The following COL13A1 variants were observed in gnomAD, a reference collection of about 807,000 sequenced individuals.
The protein encoded by COL13A1 is collagen type XIII alpha 1 chain.
COL13A1 carries 89 observed loss-of-function variants against 130.9 expected under a neutral mutation model. The observed-to-expected ratio is 0.68, with a 90% CI of 0.57 to 0.81. COL13A1 has a LOEUF of 0.81. Among genes scored for constraint, COL13A1 ranks in the 30% least tolerant of loss-of-function variants. The pLI is 0.00. For synonymous variants in COL13A1, 402 were observed against 341.6 expected (o/e 1.18, Z -1.95); for missense variants, 879 against 934.6 (o/e 0.94, Z 0.78).
intron 17 of COL13A1, among the ~76,000 whole-genome samples, chr10:69,908,945 G>A (rs1169671327): frequency 6.6e-6 from 1 of 152,170 alleles, no homozygotes; most frequent in Non-Finnish European, 1.5e-5. Context: ...AGATGCCTTG[G>A]GAGGGAGGGA....
chr10:69,895,561 A>C lies in COL13A1; in HGVS notation c.669A>C (p.Gly223=). ...QGQKGEKGQC[G]EYPHRLLPLL... is the part of the protein sequence containing the mutation. The stretch of plus-strand genomic sequence containing the variant: ...CCTCTCCTTCCCAGGGTCAGTGTGG[A>C]GAGTACCCACACCGGGTAAGTGAAC... Residue 223 remains glycine (G), a synonymous_variant, in exon 13 of 41, where the codon GGA becomes GGC. Transcript: ENST00000645393. The C allele has an allele frequency of 6.2e-7, 1 of 1,613,946 alleles. No homozygotes were observed. The highest frequency in any genetic ancestry group is 8.5e-7 in the Non-Finnish European group (1 of 1,179,878).
intron 10 of COL13A1, among the ~76,000 whole-genome samples, chr10:69,889,763 T>C (rs1174726309): frequency 6.6e-6 from 1 of 152,176 alleles, no homozygotes; most frequent in Non-Finnish European, 1.5e-5. Flanking sequence ...CAAGGTTTCA[T>C]CTGCACTCAC....
chr10:69,836,321 C>T (rs549213761), intron 2 of COL13A1, among the ~76,000 whole-genome samples: 4 of 152,074 alleles, frequency 2.6e-5, no homozygotes, highest in South Asian at 4.2e-4. Context: ...CCTGGGAGGC[C>T]GGCCCCAATC....
intron 39 of COL13A1, chr10:69,956,319 A>G (rs2070679154): frequency 1.3e-5 from 2 of 152,302 alleles, no homozygotes; most frequent in South Asian, 4.1e-4. Flanking sequence ...GTTGCTACCA[A>G]CAAAGGAGAC....
chr10:69,935,454 G>A (rs1206200848), intron 32 of COL13A1, 63 bp downstream of exon 32: 7 of 1,271,018 alleles, frequency 5.5e-6, no homozygotes, highest in Non-Finnish European at 7.5e-6. Flanking sequence ...GCAGTCACTG[G>A]GCTCAACCTC....
At chr10:69,918,935 C>T (rs755999636) in intron 19 of COL13A1, 127 bp from the exon 20 acceptor site, 19 of 1,073,608 alleles carry the variant, frequency 1.8e-5, no homozygotes, top group African/African-American at 3.1e-5. Flanking sequence ...AGAGAAGAGC[C>T]GGGGCTGGCC....
At chr10:69,879,007 G>A (rs1236737557) in intron 6 of COL13A1, among the ~76,000 whole-genome samples, 3 of 152,250 alleles carry the variant, frequency 2.0e-5, no homozygotes, top group African/African-American at 7.2e-5. Flanking sequence ...CAGTTGCCAT[G>A]TATTAAACAC....
intron 1 of COL13A1, among the ~76,000 whole-genome samples, chr10:69,813,292 A>G (rs1054275879): frequency 6.6e-6 from 1 of 152,128 alleles, no homozygotes; most frequent in Admixed American, 6.5e-5. Context: ...TCCCATGCAC[A>G]CCATCAGTTC....
At chr10:69,937,780 G>C (rs2067131023) in intron 34 of COL13A1, 65 bp downstream of exon 34, 1 of 760,248 alleles carries the variant, frequency 1.3e-6, no homozygotes, top group Non-Finnish European at 2.4e-6. Flanking sequence ...CTGGGACTGG[G>C]GGACAGCCAG....
intron 1 of COL13A1, 90 bp downstream of exon 1, chr10:69,802,807 C>T: frequency 6.6e-7 from 1 of 1,522,798 alleles, no homozygotes; most frequent in Non-Finnish European, 8.9e-7. Flanking sequence ...CGCGGGCGCT[C>T]GCTCTCTGCG....
At chr10:69,849,343 C>T (rs1854061446) in intron 2 of COL13A1, among the ~76,000 whole-genome samples, 2 of 141,802 alleles carry the variant, frequency 1.4e-5, no homozygotes, top group African/African-American at 5.0e-5. Context: ...GGATGGGGAG[C>T]GGGGGTGGGG....
intron 39 of COL13A1, chr10:69,955,136 CAA>C (rs1324178642): frequency 6.6e-6 from 1 of 152,102 alleles, no homozygotes; most frequent in Non-Finnish European, 1.5e-5. Context: ...TCTCTTTGAA[CAA>C]AAGAGAAAAA....
In COL13A1 at chr10:69,921,936, G is replaced by T; in HGVS notation, c.1143+1G>T. 6.2e-7 allele frequency: 1 copy of T among 1,603,732 alleles called. No homozygotes were observed. The highest frequency in any genetic ancestry group is 8.5e-7 in the Non-Finnish European group (1 of 1,175,378). ...GCTTCCTGGCCTCCTGGGGCAGAAG[G>T]TAGGTGTTGCTCTGAATGGAGGGTT... On this transcript the variant is annotated splice_donor_variant, in intron 22 of 40. Transcript: ENST00000645393. LOFTEE classifies it high-confidence loss of function.
At chr10:69,843,836 G>A (rs1260412618) in intron 2 of COL13A1, among the ~76,000 whole-genome samples, 2 of 152,194 alleles carry the variant, frequency 1.3e-5, no homozygotes, top group African/African-American at 4.8e-5. Flanking sequence ...AGGTGCTACA[G>A]CCCAATAAAA....
intron 2 of COL13A1, among the ~76,000 whole-genome samples, chr10:69,848,788 T>G (rs1296860811): frequency 6.6e-6 from 1 of 152,192 alleles, no homozygotes; most frequent in Non-Finnish European, 1.5e-5. Flanking sequence ...AAGAGCCAGC[T>G]GGTGCCAAGG....
At chr10:69,809,017 C>A (rs897921524) in intron 1 of COL13A1, among the ~76,000 whole-genome samples, 1 of 152,326 alleles carries the variant, frequency 6.6e-6, no homozygotes, top group Non-Finnish European at 1.5e-5. Flanking sequence ...GGGCACCCAC[C>A]CCCTCCCATC....
At chr10:69,935,204 TG>T in intron 31 of COL13A1, 145 bp from the exon 32 acceptor site, 1 of 656,260 alleles carries the variant, frequency 1.5e-6, no homozygotes, top group South Asian at 1.9e-5. Flanking sequence ...GAGCCTTTTT[TG>T]GGGGATACTG....
intron 2 of COL13A1, among the ~76,000 whole-genome samples, chr10:69,857,828 G>A (rs4076957): frequency 0.21 from 32,224 of 152,114 alleles, 4,117 homozygotes; most frequent in East Asian, 0.56. Context: ...TAAGACTGGC[G>A]CCTGGTTGGC....
intron 3 of COL13A1, among the ~76,000 whole-genome samples, chr10:69,870,434 T>A (rs540910112): frequency 6.6e-5 from 10 of 151,522 alleles, no homozygotes; most frequent in African/African-American, 2.4e-4. Context: ...TGCCTCAGCC[T>A]CCCAAGTAGC....
Sources: allele counts gnomAD v4.1 joint callset (sites outside exome capture counted in the v4.1 genomes callset), GRCh38; gene constraint gnomAD v4.1.1; transcripts MANE v1.5; gene names NCBI Gene and HGNC (gene_info 2026-07-23, HGNC 2026-07-21).